PRRC2B: variants seen among roughly 807,000 people sequenced by gnomAD.
PRRC2B encodes the protein protein PRRC2B.
Under a neutral mutation model 242.3 loss-of-function variants are expected in PRRC2B, and 68 were observed. The ratio of observed to expected loss-of-function variants is 0.28; its 90% CI spans 0.23 to 0.34. PRRC2B has a LOEUF of 0.34. Among genes scored for constraint, PRRC2B ranks in the 10% least tolerant of loss-of-function variants. PRRC2B has a pLI of 1.00. For missense variants in PRRC2B, 2,835 were observed against 2,954.8 expected, an observed-to-expected ratio of 0.96 and a Z score of 0.94; for synonymous variants, 1,228 against 1,173.6, an observed-to-expected ratio of 1.05 and a Z score of -0.95.
intron 1 of PRRC2B, among the ~76,000 whole-genome samples, chr9:131,409,035 T>A (rs1837439078): frequency 6.7e-6 from 1 of 149,508 alleles, no homozygotes; most frequent in African/African-American, 2.5e-5. Flanking sequence ...TTTTTTTTTT[T>A]TCCTGAGATG....
intron 1 of PRRC2B, among the ~76,000 whole-genome samples, chr9:131,417,395 G>A (rs1290209764): frequency 6.6e-6 from 1 of 152,042 alleles, no homozygotes; most frequent in Non-Finnish European, 1.5e-5. Context: ...TGTATCCAGT[G>A]GGGGAGGGAA....
rs1943900465 is a variant in PRRC2B, at chr9:131,482,586, G to T, written c.5175+24G>T. ...AGGTAACCTGGACGTTCCAGTCACA[G>T]TGGCCAGGGCCTGGGTGGAAGGGGC... is the stretch of plus-strand genomic sequence containing the variant. On this transcript the variant is annotated intron_variant, in intron 21 of 31. Coordinates refer to ENST00000683519, the MANE Select transcript of PRRC2B (RefSeq NM_013318.4). The surrounding 1 kb of genome is among the most constrained non-coding windows in gnomAD (Gnocchi z 5.2). 1 of 1,572,500 alleles carries T rather than the reference G, an allele frequency of 6.4e-7. No individual in the cohort carries two copies. Among genetic ancestry groups the T allele is most frequent in the African/African-American group, 1.4e-5 (1 of 73,516 alleles).
Position 131,431,838 on chromosome 9 carries a change from G to A in PRRC2B, c.116-779G>A, listed in dbSNP as rs530054725. Among the ~76,000 whole-genome samples the A allele has an allele frequency of 6.9e-4, 105 of 151,896 alleles. 1 individual carries two copies. Among genetic ancestry groups the A allele is most frequent in the East Asian group, 3.7e-3 (19 of 5,172 alleles). On this transcript the variant is annotated intron_variant, in intron 2 of 31. Coordinates refer to ENST00000683519, the MANE Select transcript of PRRC2B (RefSeq NM_013318.4). The stretch of plus-strand genomic sequence containing the variant: ...CCTGACCTCGTGATCCGCCCGCCTC[G>A]GCCTCCCAAAGTGCTGAGATTACAG...
At chr9:131,426,794 C>T (rs373175400) in intron 1 of PRRC2B, among the ~76,000 whole-genome samples, 13 of 152,330 alleles carry the variant, frequency 8.5e-5, no homozygotes, top group African/African-American at 2.9e-4. Flanking sequence ...GACTCTCTTA[C>T]GCCCTCTAGT....
At position 131,474,475 on chromosome 9, in the gene PRRC2B, C is replaced by T; in HGVS notation, c.2346C>T (p.Ala782=). Residue 782 remains alanine (A), a synonymous_variant, in exon 16 of 32, where the codon GCC becomes GCT. Transcript: ENST00000683519. ...TCAGGAATGAAAGCTCTTTCTCTGC[C>T]TCACTCGGAAGGGCAGGGGGCGTAA... ...MRVRNESSFS[A]SLGRAGGVSA... 3 of 1,609,464 alleles carry T rather than the reference C, an allele frequency of 1.9e-6. No homozygotes were observed. Among genetic ancestry groups the T allele is most frequent in the Non-Finnish European group, 8.5e-7 (1 of 1,176,880 alleles).
intron 1 of PRRC2B, among the ~76,000 whole-genome samples, chr9:131,406,556 C>A (rs754567857): frequency 2.6e-5 from 4 of 152,194 alleles, no homozygotes; most frequent in Non-Finnish European, 4.4e-5. Flanking sequence ...TTAGACCTAC[C>A]TGCTATGAGG....
At chr9:131,488,136 T>C in intron 28 of PRRC2B, 40 bp downstream of exon 28, 1 of 1,585,612 alleles carries the variant, frequency 6.3e-7, no homozygotes, top group East Asian at 2.3e-5. Flanking sequence ...CCTAGGCTTC[T>C]TTCCTTCACG....
intron 11 of PRRC2B, among the ~76,000 whole-genome samples, chr9:131,464,043 G>A (rs1001005696): frequency 1.3e-5 from 2 of 151,820 alleles, no homozygotes; most frequent in African/African-American, 2.4e-5. Flanking sequence ...CCAGGTTCAA[G>A]CGATTCTCCT....
intron 19 of PRRC2B, among the ~76,000 whole-genome samples, chr9:131,480,848 C>T (rs145703589): frequency 9.0e-4 from 137 of 152,122 alleles, no homozygotes; most frequent in Non-Finnish European, 1.5e-3. Flanking sequence ...TAGTAATACC[C>T]GCTGGGATCT....
intron 1 of PRRC2B, among the ~76,000 whole-genome samples, chr9:131,415,695 CATT>C (rs758621273): frequency 1.3e-4 from 20 of 152,312 alleles, no homozygotes; most frequent in Non-Finnish European, 2.5e-4. Flanking sequence ...AAGTCTCCAT[CATT>C]GTTGCTCCTG....
intron 4 of PRRC2B, among the ~76,000 whole-genome samples, chr9:131,437,298 C>G (rs1017413651): frequency 3.9e-5 from 6 of 152,184 alleles, no homozygotes; most frequent in Non-Finnish European, 8.8e-5. Context: ...GGACTAATGT[C>G]TCTCAGAACA....
At chr9:131,381,453 C>T (rs960618075) in intron 1 of PRRC2B, among the ~76,000 whole-genome samples, 1 of 129,210 alleles carries the variant, frequency 7.7e-6, no homozygotes, top group African/African-American at 2.9e-5. Flanking sequence ...GAGTCTTGCT[C>T]TGTCCCCCAG....
At chr9:131,436,435 A>G (rs1244651313) in intron 3 of PRRC2B, among the ~76,000 whole-genome samples, 185 bp from the exon 4 acceptor site, 1 of 152,240 alleles carries the variant, frequency 6.6e-6, no homozygotes, top group Non-Finnish European at 1.5e-5. Flanking sequence ...ACTAGAACTT[A>G]AGCATGGTTT....
At chr9:131,382,177 C>T (rs2007730) in intron 1 of PRRC2B, among the ~76,000 whole-genome samples, 82,964 of 151,878 alleles carry the variant, frequency 0.55, 25,026 homozygotes, top group East Asian at 0.82. Flanking sequence ...CCACCACGCC[C>T]GGCTAAGTTT....
intron 1 of PRRC2B, among the ~76,000 whole-genome samples, chr9:131,425,703 A>T (rs1191526465): frequency 6.7e-6 from 1 of 149,436 alleles, no homozygotes; most frequent in Non-Finnish European, 1.5e-5. Context: ...GTTAGCCAGG[A>T]TGATCTCGAT....
At chr9:131,381,558 A>G (rs1171107829) in intron 1 of PRRC2B, among the ~76,000 whole-genome samples, 30 of 150,234 alleles carry the variant, frequency 2.0e-4, no homozygotes, top group Admixed American at 1.9e-3. Context: ...AGTTGGGACT[A>G]CAGGAGCTCG....
rs1023529272 is a variant in PRRC2B at position 131,444,045 on chromosome 9, C to A, written c.470-140C>A. On this transcript the variant is annotated intron_variant, in intron 5 of 31. Coordinates refer to ENST00000683519, the MANE Select transcript of PRRC2B (RefSeq NM_013318.4). Reference sequence around the variant, plus strand: ...ACCCTCAGCACCCTCGTGGCATCTGCCAGCACAGAGCACCCTTGTGACAAG... The same window carrying A: ...ACCCTCAGCACCCTCGTGGCATCTGACAGCACAGAGCACCCTTGTGACAAG... 2.5e-5 allele frequency: 23 copies of A among 922,366 alleles called. No individual in the cohort carries two copies. In the African/African-American group the frequency reaches 3.8e-4, roughly 15 times the overall value. The allele number at this position is 922,366 out of a possible 1,614,324, so 57.1% of individuals were successfully genotyped here.
intron 5 of PRRC2B, among the ~76,000 whole-genome samples, chr9:131,439,963 T>C (rs1838507429): frequency 6.6e-6 from 1 of 151,848 alleles, no homozygotes; most frequent in Non-Finnish European, 1.5e-5. Context: ...CCCAGGCTGA[T>C]CTCAAACTCC....
At chr9:131,413,629 G>A (rs1588240738) in intron 1 of PRRC2B, among the ~76,000 whole-genome samples, 1 of 152,142 alleles carries the variant, frequency 6.6e-6, no homozygotes, top group Admixed American at 6.5e-5. Flanking sequence ...GCCTCCCAAA[G>A]TGCTGGGTTA....
Sources: allele counts gnomAD v4.1 joint callset (sites outside exome capture counted in the v4.1 genomes callset), GRCh38; gene constraint gnomAD v4.1.1; non-coding constraint Gnocchi (gnomAD v3.1); transcripts MANE v1.5; gene names NCBI Gene and HGNC (gene_info 2026-07-23, HGNC 2026-07-21).